DLGAP2: variants seen among roughly 807,000 people sequenced by gnomAD.
DLGAP2 encodes the protein DLG associated protein 2.
Under a neutral mutation model 100.3 loss-of-function variants are expected in DLGAP2, and 26 were observed. That is an observed-to-expected ratio of 0.26 (90% CI 0.19 to 0.36). The LOEUF (loss-of-function observed/expected upper bound fraction) is 0.36, where lower values mean the gene tolerates loss of function less well. DLGAP2 is among the 10% of genes least tolerant of loss of function. DLGAP2 has a pLI of 1.00. For synonymous variants in DLGAP2, 886 were observed against 630.1 expected, an observed-to-expected ratio of 1.41 and a Z score of -6.08; for missense variants, 1,858 against 1,453.2, an observed-to-expected ratio of 1.28 and a Z score of -4.53.
chr8:1,408,443 G>A (rs575144270), intron 3 of DLGAP2, among the ~76,000 whole-genome samples: 2 of 151,836 alleles, frequency 1.3e-5, no homozygotes, highest in South Asian at 2.1e-4. Flanking sequence ...TAATCTCCAC[G>A]AGCATCTGGG....
At chr8:1,593,543 C>G (rs1261289393) in intron 6 of DLGAP2, among the ~76,000 whole-genome samples, 1 of 151,982 alleles carries the variant, frequency 6.6e-6, no homozygotes, top group East Asian at 1.9e-4. Context: ...AATACAAAAC[C>G]AGACTTACCA....
Position 1,328,551 on chromosome 8 carries a change from A to G in DLGAP2, c.106+69668A>G, listed in dbSNP as rs111623712. On this transcript the variant is annotated intron_variant, in intron 3 of 14. Coordinates refer to ENST00000637795, the MANE Select transcript of DLGAP2 (RefSeq NM_001346810.2). ...TTTTTAGTAGAGACAGGGTTTCACCATGTTGGCCAGGCTGGTCTTGAACTC... is the reference window on the plus strand; with the variant it reads ...TTTTTAGTAGAGACAGGGTTTCACCGTGTTGGCCAGGCTGGTCTTGAACTC... Among the ~76,000 whole-genome samples the G allele has an allele frequency of 3.5e-3, 519 of 148,854 alleles. 3 individuals carry two copies. Among genetic ancestry groups the G allele is most frequent in the African/African-American group, 0.012 (481 of 40,268 alleles).
chr8:1,361,657 A>G (rs531226717), intron 3 of DLGAP2, among the ~76,000 whole-genome samples: 2 of 152,284 alleles, frequency 1.3e-5, no homozygotes, highest in South Asian at 2.1e-4. Flanking sequence ...GGGTCTGACT[A>G]TTAGCTTTCT....
At chr8:1,279,864 T>G (rs1799780565) in intron 3 of DLGAP2, among the ~76,000 whole-genome samples, 2 of 152,030 alleles carry the variant, frequency 1.3e-5, no homozygotes, top group South Asian at 4.2e-4. Context: ...CTCTGTTGAG[T>G]AGCAGTGTCA....
intron 3 of DLGAP2, chr8:1,378,005 C>T (rs966787194): frequency 6.5e-6 from 1 of 152,918 alleles, no homozygotes. Context: ...CAGGCTTGGT[C>T]CCTCTCAGCA....
At position 1,042,777 on chromosome 8, in the gene DLGAP2, A is replaced by G. The variant is rs1383656578; in HGVS notation, c.73+134811A>G. 1.3e-3 allele frequency among the ~76,000 whole-genome samples: 60 copies of G among 44,496 alleles called. 1 individual carries two copies. Among genetic ancestry groups the G allele is most frequent in the South Asian group, 4.3e-3 (4 of 926 alleles). The allele number at this position is 44,496 out of a possible 152,430, so 29.2% of individuals were successfully genotyped here. ...TGTAGGTGGTGGATGTGGGTGATGG[A>G]TGTGGGTGGTGGGTGTGGGTGGTGG... On this transcript the variant is annotated intron_variant, in intron 2 of 14. Transcript: ENST00000637795.
At chr8:1,600,990 T>G (rs1430047248) in intron 6 of DLGAP2, among the ~76,000 whole-genome samples, 1 of 152,242 alleles carries the variant, frequency 6.6e-6, no homozygotes, top group African/African-American at 2.4e-5. Flanking sequence ...GTGCTGGTTT[T>G]TCCTCATCTT....
intron 4 of DLGAP2, among the ~76,000 whole-genome samples, chr8:1,507,165 A>T (rs1333108997): frequency 6.6e-6 from 1 of 152,230 alleles, no homozygotes; most frequent in Non-Finnish European, 1.5e-5. Context: ...TGCACTCCTC[A>T]GCCCTTGGAG....
rs150827022 is a variant in DLGAP2 at position 1,355,958 on chromosome 8, C to T, written c.106+97075C>T. Among the ~76,000 whole-genome samples, 314 of 152,234 alleles carry T rather than the reference C, an allele frequency of 2.1e-3. 2 individuals are homozygous for T. The highest frequency in any genetic ancestry group is 7.4e-3 in the African/African-American group (305 of 41,472). On this transcript the variant is annotated intron_variant, in intron 3 of 14. Coordinates refer to ENST00000637795, the MANE Select transcript of DLGAP2 (RefSeq NM_001346810.2). ...ATTCAAGTACATGCGTGTTGGGAAG[C>T]ACCGGTGGCCTCACCCAAGGCTCCG...
chr8:1,490,705 A>G (rs1799353476), intron 3 of DLGAP2, among the ~76,000 whole-genome samples: 1 of 152,162 alleles, frequency 6.6e-6, no homozygotes, highest in South Asian at 2.1e-4. Flanking sequence ...GCACTGTCAA[A>G]TGAACTGACC....
chr8:1,607,933 C>T (rs2130722855), intron 6 of DLGAP2, among the ~76,000 whole-genome samples: 1 of 146,442 alleles, frequency 6.8e-6, no homozygotes, highest in South Asian at 2.3e-4. Flanking sequence ...AGTCTGAGAT[C>T]AAACTGCAAG....
intron 1 of DLGAP2, among the ~76,000 whole-genome samples, chr8:771,997 G>C (rs1057497332): frequency 3.9e-5 from 6 of 152,094 alleles, no homozygotes; most frequent in Non-Finnish European, 7.4e-5. Context: ...CCAACTCCTG[G>C]ACTCAAGCGA....
chr8:1,442,901 T>G (rs1238777000), intron 3 of DLGAP2, among the ~76,000 whole-genome samples: 2 of 152,298 alleles, frequency 1.3e-5, no homozygotes, highest in African/African-American at 4.8e-5. Flanking sequence ...TCTAGCTATT[T>G]GTATGACATA....
chr8:966,320 A>T (rs1322976149), intron 2 of DLGAP2, among the ~76,000 whole-genome samples: 1 of 152,220 alleles, frequency 6.6e-6, no homozygotes. Context: ...CTTGATCAGA[A>T]AGAGAAAACG....
At chr8:787,953 C>T (rs184430358) in intron 1 of DLGAP2, among the ~76,000 whole-genome samples, 1 of 145,438 alleles carries the variant, frequency 6.9e-6, no homozygotes, top group African/African-American at 2.6e-5. Flanking sequence ...CCAGGTCTGG[C>T]GTCCCTGTCC....
chr8:1,525,969 T>A (rs1224440409), intron 4 of DLGAP2, among the ~76,000 whole-genome samples: 3 of 152,102 alleles, frequency 2.0e-5, no homozygotes, highest in Admixed American at 6.5e-5. Context: ...GATTTGGAAT[T>A]TTTTTGGAAT....
At chr8:1,451,397 C>G (rs1798155923) in intron 3 of DLGAP2, among the ~76,000 whole-genome samples, 1 of 152,170 alleles carries the variant, frequency 6.6e-6, no homozygotes, top group Non-Finnish European at 1.5e-5. Flanking sequence ...CACCTCCTGC[C>G]AGACCTGAGG....
intron 1 of DLGAP2, among the ~76,000 whole-genome samples, chr8:852,111 T>C (rs1047853932): frequency 3.3e-5 from 5 of 152,090 alleles, no homozygotes; most frequent in Admixed American, 6.5e-5. Context: ...TTTCCTCTTA[T>C]GTGTGTGCAG....
At chr8:1,074,716 C>G (rs562315332) in intron 2 of DLGAP2, among the ~76,000 whole-genome samples, 19 of 152,316 alleles carry the variant, frequency 1.2e-4, no homozygotes, top group African/African-American at 4.6e-4. Context: ...TTTCCCACTC[C>G]TCGTCTTTCC....
Sources: gnomAD v4.1 joint callset for allele counts (sites outside exome capture counted in the v4.1 genomes callset) on GRCh38, gnomAD v4.1.1 for gene constraint, MANE v1.5 for transcripts, NCBI Gene and HGNC (gene_info 2026-07-23, HGNC 2026-07-21) for gene names.